The following STIM1 variants were observed in gnomAD, a reference collection of about 807,000 sequenced individuals.
STIM1 encodes stromal interaction molecule 1.
A neutral mutation model predicts 74.7 loss-of-function variants in STIM1; 25 were observed. The ratio of observed to expected loss-of-function variants is 0.33; its 90% CI spans 0.24 to 0.47. STIM1 has a LOEUF of 0.47. Ranked by LOEUF, STIM1 falls within the 20% of genes least tolerant of loss-of-function variation. The pLI, the probability that STIM1 is intolerant of heterozygous loss-of-function variation, is 1.00. For missense variants in STIM1, 728 were observed against 920.8 expected, an observed-to-expected ratio of 0.79 and a Z score of 2.71; for synonymous variants, 328 against 348.8, an observed-to-expected ratio of 0.94 and a Z score of 0.66.
chr11:3,955,402 T>G (rs2093199251), intron 1 of STIM1, among the ~76,000 whole-genome samples: 1 of 152,112 alleles, frequency 6.6e-6, no homozygotes, highest in Admixed American at 6.5e-5. Flanking sequence ...CATGCCTCAT[T>G]TTTATAAGGG....
At chr11:4,022,271 G>T (rs2093961766) in intron 2 of STIM1, among the ~76,000 whole-genome samples, 1 of 148,140 alleles carries the variant, frequency 6.8e-6, no homozygotes, top group Non-Finnish European at 1.5e-5. Context: ...AGGAGGTGGA[G>T]GTTGCAGTCA....
chr11:3,918,707 T>TA (rs2092681942), intron 1 of STIM1, among the ~76,000 whole-genome samples: 1 of 152,178 alleles, frequency 6.6e-6, no homozygotes, highest in Admixed American at 6.5e-5. Context: ...AGTTCCATTC[T>TA]ACTCATGGAA....
chr11:4,044,996 A>T (rs951741955), intron 3 of STIM1, among the ~76,000 whole-genome samples: 3 of 152,142 alleles, frequency 2.0e-5, no homozygotes, highest in Admixed American at 1.3e-4. Context: ...CTCATCTAAA[A>T]TGTCATTGGG....
intron 7 of STIM1, among the ~76,000 whole-genome samples, chr11:4,074,918 C>T (rs2133188256): frequency 6.6e-6 from 1 of 152,234 alleles, no homozygotes; most frequent in Non-Finnish European, 1.5e-5. Flanking sequence ...GCAGGTGGAT[C>T]ACCTGAGGTT....
At chr11:4,033,062 G>A (rs527293997) in intron 3 of STIM1, among the ~76,000 whole-genome samples, 82 of 151,848 alleles carry the variant, frequency 5.4e-4, no homozygotes, top group African/African-American at 1.6e-3. Context: ...ATCCAGTTTC[G>A]GCTTTCTACA....
intron 1 of STIM1, among the ~76,000 whole-genome samples, chr11:3,881,364 T>C (rs1476151745): frequency 2.0e-5 from 3 of 152,176 alleles, no homozygotes; most frequent in African/African-American, 7.2e-5. Context: ...CATATGATTA[T>C]TTTATTTTAT....
At chr11:4,086,702 T>G in intron 12 of STIM1, 159 bp downstream of exon 12, 1 of 1,539,184 alleles carries the variant, frequency 6.5e-7, no homozygotes, top group Non-Finnish European at 8.7e-7. Context: ...ATCACCACCA[T>G]CACCACTACC....
At chr11:3,883,514 C>T (rs2091597201) in intron 1 of STIM1, among the ~76,000 whole-genome samples, 1 of 152,182 alleles carries the variant, frequency 6.6e-6, no homozygotes, top group Admixed American at 6.5e-5. Context: ...CCACCACGCC[C>T]AGCTAATTTT....
rs547935779 is a variant in STIM1, at chr11:3,860,361, A to G, written c.139+3952A>G. Among the ~76,000 whole-genome samples, 28 of 152,366 alleles carry G rather than the reference A, an allele frequency of 1.8e-4. No individual in the cohort carries two copies. The South Asian group carries it at 4.1e-3, about 23-fold the overall frequency. On this transcript the variant is annotated intron_variant, in intron 1 of 12. Transcript: ENST00000526596. ...ATTTTATAGATGAGAAAATTAAATC[A>G]TAGAGAGGTTAAATAACTTGCCCAT...
chr11:3,959,825 T>TA (rs982054452), intron 1 of STIM1, among the ~76,000 whole-genome samples: 2 of 151,884 alleles, frequency 1.3e-5, no homozygotes, highest in East Asian at 1.9e-4. Flanking sequence ...TTATTTGCCT[T>TA]AAAAAAAACT....
At chr11:4,021,348 A>C (rs548897649) in intron 2 of STIM1, among the ~76,000 whole-genome samples, 1 of 151,924 alleles carries the variant, frequency 6.6e-6, no homozygotes, top group Non-Finnish European at 1.5e-5. Flanking sequence ...CTGGTCTCCA[A>C]CTCCCAGCTT....
intron 1 of STIM1, among the ~76,000 whole-genome samples, chr11:3,908,335 A>C (rs1275264156): frequency 6.6e-6 from 1 of 152,206 alleles, no homozygotes; most frequent in Non-Finnish European, 1.5e-5. Flanking sequence ...TTTGCTGGCC[A>C]GGCACGGCGG....
chr11:4,090,618 G>C (rs2133259717), intron 12 of STIM1, among the ~76,000 whole-genome samples: 1 of 152,316 alleles, frequency 6.6e-6, no homozygotes, highest in African/African-American at 2.4e-5. Flanking sequence ...CTGTTCCTTG[G>C]GGCCTGGCCC....
chr11:3,885,072 T>C (rs1361556973), intron 1 of STIM1, among the ~76,000 whole-genome samples: 1 of 152,092 alleles, frequency 6.6e-6, no homozygotes, highest in Non-Finnish European at 1.5e-5. Flanking sequence ...AAAAATTAGA[T>C]TGTGGTGATG....
At position 4,003,074 on chromosome 11, in the gene STIM1, T is replaced by G. The variant is rs879147220; in HGVS notation, c.271-20799T>G. Among the ~76,000 whole-genome samples the G allele has an allele frequency of 8.5e-4, 126 of 148,136 alleles. 1 individual carries two copies. The highest frequency in any genetic ancestry group is 2.7e-3 in the African/African-American group (111 of 40,662). ...ATCTCTGAATAGACCAATAACAGGA[T>G]CTGAAATTGTGGCAATAATCAATAG... On this transcript the variant is annotated intron_variant, in intron 2 of 12. Transcript: ENST00000526596.
intron 6 of STIM1, among the ~76,000 whole-genome samples, chr11:4,072,189 G>A (rs2094408111): frequency 1.3e-5 from 2 of 152,152 alleles, no homozygotes; most frequent in South Asian, 2.1e-4. Context: ...GTGGCACTTA[G>A]AAAGAGACAA....
At chr11:3,890,442 A>G (rs993282766) in intron 1 of STIM1, among the ~76,000 whole-genome samples, 1 of 152,232 alleles carries the variant, frequency 6.6e-6, no homozygotes, top group African/African-American at 2.4e-5. Flanking sequence ...TTAGAGCTAC[A>G]TACCCAGTAG....
chr11:3,875,141 G>C (rs537399256), intron 1 of STIM1, among the ~76,000 whole-genome samples: 80 of 152,162 alleles, frequency 5.3e-4, no homozygotes, highest in African/African-American at 1.7e-3. Context: ...GTTGACCATG[G>C]TGCTTGGATT....
intron 1 of STIM1, among the ~76,000 whole-genome samples, chr11:3,882,474 C>A (rs931700613): frequency 6.6e-6 from 1 of 152,146 alleles, no homozygotes; most frequent in African/African-American, 2.4e-5. Flanking sequence ...TTCATCCACA[C>A]GTGGGCAATT....
Sources: gnomAD v4.1 joint callset for allele counts (sites outside exome capture counted in the v4.1 genomes callset) on GRCh38, gnomAD v4.1.1 for gene constraint, MANE v1.5 for transcripts, NCBI Gene and HGNC (gene_info 2026-07-23, HGNC 2026-07-21) for gene names.